The following MDN1 variants were observed in gnomAD, a reference collection of about 807,000 sequenced individuals.
MDN1 encodes the protein midasin.
In MDN1, 266 loss-of-function variants were observed where a neutral mutation model predicts 669.2. The observed-to-expected ratio is 0.40, with a 90% CI of 0.36 to 0.44. The LOEUF is 0.44. MDN1 is among the 20% of genes least tolerant of loss of function. MDN1 has a pLI of 1.00. For synonymous variants in MDN1, 2,385 were observed against 2,457.1 expected, an observed-to-expected ratio of 0.97 and a Z score of 0.87; for missense variants, 5,940 against 6,754.0, an observed-to-expected ratio of 0.88 and a Z score of 4.22.
rs569218346 is a variant in MDN1, at chr6:89,784,979, G to C, written c.1449+33C>G. 653 of 1,413,406 alleles carry C rather than the reference G, an allele frequency of 4.6e-4. 4 individuals carry two copies. In the South Asian group the frequency reaches 7.3e-3, roughly 16 times the overall value. The allele number at this position is 1,413,406 out of a possible 1,614,324, so 87.6% of individuals were successfully genotyped here. On this transcript the variant is annotated intron_variant, in intron 9 of 101. Transcript: ENST00000369393. The stretch of plus-strand genomic sequence containing the variant: ...ATTTCACGCGGGAGCCACTGCACCT[G>C]GCCAGCATTGATACTTTCCAAGACC...
At chr6:89,774,853 A>G in intron 12 of MDN1, 120 bp from the exon 13 acceptor site, 1 of 626,434 alleles carries the variant, frequency 1.6e-6, no homozygotes, top group Non-Finnish European at 2.8e-6. Flanking sequence ...TCTACTTCCC[A>G]GATAGTTGAG....
In MDN1 at chr6:89,699,004, G is replaced by A. The variant is rs1240748402; in HGVS notation, c.9029C>T (p.Ser3010Phe). 1 of 1,613,590 alleles carries A rather than the reference G, an allele frequency of 6.2e-7. No individual in the cohort carries two copies. Among genetic ancestry groups the A allele is most frequent in the Non-Finnish European group, 8.5e-7 (1 of 1,179,766 alleles). Residue 3010 changes from serine to phenylalanine, a missense_variant, in exon 59 of 102, where the codon TCC (serine) becomes TTC (phenylalanine). By Grantham distance (155) the Ser-to-Phe change is radical. Coordinates refer to ENST00000369393, the MANE Select transcript of MDN1 (RefSeq NM_014611.3). ...CATAAACATGGAATTAAATAACTCG[G>A]ACCACAAAGATGTAATTTCTTCAGG... Reference protein sequence around the residue: ...VSPEEITSLWSELFNSMFMSF... With the variant: ...VSPEEITSLWFELFNSMFMSF...
At chr6:89,772,797 C>T (rs1253307096) in intron 13 of MDN1, 76 bp from the exon 14 acceptor site, 3 of 1,491,066 alleles carry the variant, frequency 2.0e-6, no homozygotes, top group African/African-American at 2.8e-5. Flanking sequence ...ACCATATATT[C>T]CAGATTCAAC....
Position 89,692,937 on chromosome 6 carries a change from C to T in MDN1, c.10093G>A (p.Ala3365Thr), listed in dbSNP as rs767109664. 1.9e-6 allele frequency: 3 copies of T among 1,614,092 alleles called. No individual in the cohort carries two copies. The highest frequency in any genetic ancestry group is 2.5e-6 in the Non-Finnish European group (3 of 1,179,970). The change falls in exon 63 of 102, where the codon GCC becomes ACC. Residue 3365 changes from alanine (A) to threonine (T), a missense_variant. Ala to Thr is a moderately conservative substitution (Grantham distance 58). Transcript: ENST00000369393. Reference sequence around the variant, plus strand: ...GCCTCCTCCTTTAGAAGGCTCTGGGCTACTTGGGCAGACCGTGGCCCATCT... The same window carrying T: ...GCCTCCTCCTTTAGAAGGCTCTGGGTTACTTGGGCAGACCGTGGCCCATCT... The part of the protein sequence containing the change: ...HIDGPRSAQV[A>T]QSLLKEEASW...
Position 89,684,960 on chromosome 6 carries a change from A to G in MDN1, c.11745T>C (p.Asn3915=). Residue 3915 remains asparagine (N), a synonymous_variant, in exon 71 of 102, where the codon AAT becomes AAC. Coordinates refer to ENST00000369393, the MANE Select transcript of MDN1 (RefSeq NM_014611.3). ...GKDSLCSVLW[N]LYHYYKQFFD... is the part of the protein sequence containing the mutation. ...AGAATTGCTTGTAATAATGGTACAA[A>G]TTCCATAGAACACTGCAAAGTGAAT... 6.2e-7 allele frequency: 1 copy of G among 1,613,262 alleles called. No individual in the cohort carries two copies. The highest frequency in any genetic ancestry group is 1.1e-5 in the South Asian group (1 of 91,034).
Position 89,712,794 on chromosome 6 carries a change from G to C in MDN1, c.7219-8C>G, listed in dbSNP as rs781356770. 1 of 1,612,664 alleles carries C rather than the reference G, an allele frequency of 6.2e-7. No homozygotes were observed. Among genetic ancestry groups the C allele is most frequent in the Non-Finnish European group, 8.5e-7 (1 of 1,178,782 alleles). ...CAGTAAAGCCTGTACAAGCTGGTAG[G>C]AGACAAAAACACAATACAGTGGTAC... On this transcript the variant is annotated splice_polypyrimidine_tract_variant and splice_region_variant and intron_variant, in intron 47 of 101. Transcript: ENST00000369393.
chr6:89,694,019 A>G (rs1361381789), intron 62 of MDN1, 55 bp downstream of exon 62: 8 of 1,377,490 alleles, frequency 5.8e-6, no homozygotes, highest in African/African-American at 1.4e-5. Flanking sequence ...TAACTACATT[A>G]CATCAAAAGG....
Position 89,672,579 on chromosome 6 carries a change from T to C in MDN1, c.13598A>G (p.Asn4533Ser). 6.2e-7 allele frequency: 1 copy of C among 1,614,202 alleles called. No individual in the cohort carries two copies. Among genetic ancestry groups the C allele is most frequent in the Non-Finnish European group, 8.5e-7 (1 of 1,180,020 alleles). The change falls in exon 81 of 102, where the codon AAC becomes AGC. Residue 4533 changes from asparagine to serine, a missense_variant. This residue lies in a region of MDN1 where 2,280 missense variants were observed against 2,576.3 expected (regional missense o/e 0.88). Coordinates refer to ENST00000369393, the MANE Select transcript of MDN1 (RefSeq NM_014611.3). ...EERKNEKAEE[N>S]TDQASPQEDY... is the part of the protein sequence containing the mutation. ...TTCTTGTGGGCTTGCTTGGTCAGTGTTCTCCTCTGCTTTTTCATTCTTTCT... is the reference window on the plus strand; with the variant it reads ...TTCTTGTGGGCTTGCTTGGTCAGTGCTCTCCTCTGCTTTTTCATTCTTTCT...
At chr6:89,706,029 T>G in intron 53 of MDN1, 30 bp downstream of exon 53, 1 of 1,532,518 alleles carries the variant, frequency 6.5e-7, no homozygotes, top group South Asian at 1.3e-5. Flanking sequence ...ATTTTGTTGT[T>G]TAAAAATAAA....
chr6:89,678,673 C>A lies in MDN1; in HGVS notation c.12338G>T (p.Arg4113Leu). 3 of 1,614,048 alleles carry A rather than the reference C, an allele frequency of 1.9e-6. No homozygotes were observed. The highest frequency in any genetic ancestry group is 2.2e-5 in the East Asian group (1 of 44,876). The change falls in exon 75 of 102, where the codon CGG becomes CTG. Residue 4113 changes from arginine (R) to leucine (L), a missense_variant. Coordinates refer to ENST00000369393, the MANE Select transcript of MDN1 (RefSeq NM_014611.3). ...VEPSAEKEKQ[R>L]SEAKHILMQK... ...CATGAGAATGTGCTTGGCTTCTGACCGCTGCTTCTCCTTCTCTGCAGAGGG... is the reference window on the plus strand; with the variant it reads ...CATGAGAATGTGCTTGGCTTCTGACAGCTGCTTCTCCTTCTCTGCAGAGGG...
At chr6:89,682,457 C>T (rs1024600266) in intron 73 of MDN1, among the ~76,000 whole-genome samples, 21 of 152,080 alleles carry the variant, frequency 1.4e-4, no homozygotes, top group African/African-American at 4.3e-4. Flanking sequence ...GCCTGTAATC[C>T]GAGCACTTTG....
At chr6:89,728,662 C>G (rs927585352) in intron 36 of MDN1, among the ~76,000 whole-genome samples, 14 of 152,106 alleles carry the variant, frequency 9.2e-5, no homozygotes, top group African/African-American at 3.1e-4. Flanking sequence ...GAAACCCTGT[C>G]TCTAATAATA....
rs116035185 is a variant in MDN1 at position 89,662,915 on chromosome 6, C to G, written c.14289G>C (p.Met4763Ile). Reference sequence around the variant, plus strand: ...CAGCTTCCTCACCATTGAGATCGCCCATGTGTTTATCCAGGTCTCCGCCCT... The same window carrying G: ...CAGCTTCCTCACCATTGAGATCGCCGATGTGTTTATCCAGGTCTCCGCCCT... ...DSEGGDLDKH[M>I]GDLNGEEADK... Residue 4763 changes from methionine (M) to isoleucine (I), a missense_variant, in exon 86 of 102, where the codon ATG (methionine) becomes ATC (isoleucine). This residue lies in a region of MDN1 where 2,280 missense variants were observed against 2,576.3 expected (regional missense o/e 0.88). Coordinates refer to ENST00000369393, the MANE Select transcript of MDN1 (RefSeq NM_014611.3). 2.8e-4 allele frequency: 445 copies of G among 1,614,094 alleles called. 3 individuals carry two copies. In the African/African-American group the frequency reaches 5.4e-3, roughly 20 times the overall value.
chr6:89,728,876 C>T, intron 36 of MDN1, 55 bp downstream of exon 36: 1 of 1,519,084 alleles, frequency 6.6e-7, no homozygotes, highest in Non-Finnish European at 9.1e-7. Flanking sequence ...TATAAATTGA[C>T]ACAGACATTA....
At chr6:89,704,798 C>G (rs533408538) in intron 53 of MDN1, among the ~76,000 whole-genome samples, 2 of 152,108 alleles carry the variant, frequency 1.3e-5, no homozygotes, top group Non-Finnish European at 2.9e-5. Context: ...GCCAGGATGG[C>G]CTTGATCTCC....
intron 5 of MDN1, among the ~76,000 whole-genome samples, chr6:89,791,920 T>G (rs1355034835): frequency 7.2e-6 from 1 of 138,090 alleles, no homozygotes; most frequent in Non-Finnish European, 1.5e-5. Context: ...CACTCTGGAG[T>G]GCAGTGGCAC....
At chr6:89,709,685 T>C (rs890794662) in intron 50 of MDN1, among the ~76,000 whole-genome samples, 4 of 152,180 alleles carry the variant, frequency 2.6e-5, no homozygotes, top group Non-Finnish European at 4.4e-5. Flanking sequence ...TTGATCAACA[T>C]CAAATGAAGA....
At chr6:89,797,065 T>C (rs1167904891) in intron 2 of MDN1, among the ~76,000 whole-genome samples, 4 of 150,170 alleles carry the variant, frequency 2.7e-5, no homozygotes, top group South Asian at 2.1e-4. Context: ...TGAAACTCCA[T>C]CTCAACAACA....
chr6:89,677,016 CAAA>C (rs577064668), intron 76 of MDN1, among the ~76,000 whole-genome samples: 7 of 80,246 alleles, frequency 8.7e-5, no homozygotes, highest in Non-Finnish European at 1.4e-4. Flanking sequence ...AATCAAAAGG[CAAA>C]AAAAAAAAAA....
Sources: gnomAD v4.1 joint callset for allele counts (sites outside exome capture counted in the v4.1 genomes callset) on GRCh38, gnomAD v4.1.1 for gene constraint, gnomAD v4.1.1 regional missense constraint, MANE v1.5 for transcripts, NCBI Gene and HGNC (gene_info 2026-07-23, HGNC 2026-07-21) for gene names.